Variants in LHCGR observed in about 807,000 individuals in gnomAD.
The protein encoded by LHCGR is lutropin-choriogonadotropic hormone receptor.
LHCGR carries 55 observed loss-of-function variants against 60.7 expected under a neutral mutation model. The observed-to-expected ratio is 0.91, with a 90% CI of 0.73 to 1.13. The LOEUF is 1.13. LHCGR is among the 50% of genes most tolerant of loss of function. The pLI is 0.00. For missense variants in LHCGR, 862 were observed against 836.0 expected (o/e 1.03, Z -0.38); for synonymous variants, 337 against 316.5 (o/e 1.06, Z -0.69).
intron 5 of LHCGR, 28 bp downstream of exon 5, chr2:48,723,594 T>C: frequency 6.2e-7 from 1 of 1,605,742 alleles, no homozygotes; most frequent in Non-Finnish European, 8.5e-7. Flanking sequence ...AGGAAACTGT[T>C]ATGCATAGCA....
At chr2:48,726,257 T>G (rs1326963154) in intron 3 of LHCGR, among the ~76,000 whole-genome samples, 2 of 152,172 alleles carry the variant, frequency 1.3e-5, no homozygotes, top group Admixed American at 1.3e-4. Flanking sequence ...GCCAGAGGCT[T>G]GAATTTGGGG....
At chr2:48,752,217 A>G (rs1314066835) in intron 1 of LHCGR, among the ~76,000 whole-genome samples, 1 of 152,244 alleles carries the variant, frequency 6.6e-6, no homozygotes, top group Non-Finnish European at 1.5e-5. Flanking sequence ...CAAAATTTGT[A>G]AGCAGCAGGC....
rs933727220 is a variant in LHCGR, at chr2:48,728,464, T to C, written c.308+689A>G. Reference sequence around the variant, plus strand: ...GTTTGCGCCTGAGTAAAAGCAGCAGTAGGGGGCCTGGTGTAGAAGTCACAT... The same window carrying C: ...GTTTGCGCCTGAGTAAAAGCAGCAGCAGGGGGCCTGGTGTAGAAGTCACAT... On this transcript the variant is annotated intron_variant, in intron 3 of 10. Coordinates refer to ENST00000294954, the MANE Select transcript of LHCGR (RefSeq NM_000233.4). 5.3e-5 allele frequency among the ~76,000 whole-genome samples: 8 copies of C among 152,292 alleles called. No homozygotes were observed. The East Asian group carries it at 1.4e-3, about 26-fold the overall frequency.
intron 8 of LHCGR, among the ~76,000 whole-genome samples, chr2:48,700,430 G>C (rs1239125156): frequency 1.3e-5 from 2 of 152,160 alleles, no homozygotes; most frequent in Non-Finnish European, 2.9e-5. Context: ...GGAAGGAAGA[G>C]ACCTAGGTCT....
chr2:48,714,845 G>T (rs1668170074), intron 6 of LHCGR, among the ~76,000 whole-genome samples: 1 of 152,066 alleles, frequency 6.6e-6, no homozygotes, highest in Non-Finnish European at 1.5e-5. Context: ...AGCCACAAAG[G>T]AGTCTAGAGG....
At chr2:48,728,643 G>A (rs1221182820) in intron 3 of LHCGR, among the ~76,000 whole-genome samples, 1 of 152,026 alleles carries the variant, frequency 6.6e-6, no homozygotes, top group East Asian at 1.9e-4. Context: ...ATGATACTTT[G>A]GCAAGGGTTG....
intron 10 of LHCGR, among the ~76,000 whole-genome samples, chr2:48,690,886 G>A (rs1680200132): frequency 6.6e-6 from 1 of 152,178 alleles, no homozygotes; most frequent in African/African-American, 2.4e-5. Flanking sequence ...AAATCCCAGT[G>A]CCTAGCACAG....
chr2:48,687,164 T>C lies in LHCGR; in HGVS notation c.*533A>G, dbSNP rs1679934784. On this transcript the variant is annotated 3_prime_UTR_variant, in exon 11 of 11. Coordinates refer to ENST00000294954, the MANE Select transcript of LHCGR (RefSeq NM_000233.4). ...CAGTATGGTAAGCACTAGTCACACG[T>C]AGCCATTGAGAACTTGAAACGTGGC... is the stretch of plus-strand genomic sequence containing the variant. 2.5e-5 allele frequency: 4 copies of C among 158,884 alleles called. No individual in the cohort carries two copies. Among genetic ancestry groups the C allele is most frequent in the Admixed American group, 2.4e-4 (4 of 16,550 alleles). The allele number at this position is 158,884 out of a possible 1,614,324, so 9.8% of individuals were successfully genotyped here. A position where few individuals can be genotyped will look rare whatever the true frequency, so the allele number is the denominator to read the frequency against.
rs764878773 is a variant in LHCGR, at chr2:48,713,971, T to C, written c.605+15A>G. 7.0e-6 allele frequency: 11 copies of C among 1,573,812 alleles called. No homozygotes were observed. Among genetic ancestry groups the C allele is most frequent in the Admixed American group, 1.7e-5 (1 of 59,904 alleles). ...CATTTTTATTCCTGAGCTGGGGAAA[T>C]AAGCAAATACTTACAGTGAAGTCAG... On this transcript the variant is annotated intron_variant, in intron 7 of 10. Coordinates refer to ENST00000294954, the MANE Select transcript of LHCGR (RefSeq NM_000233.4).
intron 1 of LHCGR, among the ~76,000 whole-genome samples, chr2:48,755,130 G>T (rs1349630068): frequency 2.6e-5 from 4 of 151,934 alleles, no homozygotes; most frequent in Admixed American, 6.5e-5. Flanking sequence ...GACGTGGCTG[G>T]CCCAAGGCTC....
chr2:48,729,336 C>T lies in LHCGR; in HGVS notation c.234-109G>A, dbSNP rs11887058. On this transcript the variant is annotated intron_variant, in intron 2 of 10. Coordinates refer to ENST00000294954, the MANE Select transcript of LHCGR (RefSeq NM_000233.4). ...CCAACAACTGGGGACACCACTGTGTCCCCCTGAAAAGAACAAAGATGTGCA... is the reference window on the plus strand; with the variant it reads ...CCAACAACTGGGGACACCACTGTGTTCCCCTGAAAAGAACAAAGATGTGCA... 0.31 allele frequency: 258,978 copies of T among 835,882 alleles called. 46,171 individuals are homozygous for T. The highest frequency in any genetic ancestry group is 0.55 in the East Asian group (22,134 of 40,280). The allele number at this position is 835,882 out of a possible 1,614,324, so 51.8% of individuals were successfully genotyped here.
At chr2:48,690,063 T>C (rs1456455658) in intron 10 of LHCGR, among the ~76,000 whole-genome samples, 1 of 152,166 alleles carries the variant, frequency 6.6e-6, no homozygotes, top group Non-Finnish European at 1.5e-5. Flanking sequence ...CTGATATCCT[T>C]TCTCCAATTT....
chr2:48,740,766 A>G (rs1669411451), intron 1 of LHCGR, among the ~76,000 whole-genome samples: 1 of 152,206 alleles, frequency 6.6e-6, no homozygotes, highest in Non-Finnish European at 1.5e-5. Context: ...AAAACTGGAA[A>G]CTCAAAAAAG....
Position 48,688,166 on chromosome 2 carries a change from G to T in LHCGR, c.1631C>A (p.Ala544Asp). ...LNVVAFFIICACYIKIYFAVR... is the reference protein window; with the variant it reads ...LNVVAFFIICDCYIKIYFAVR... ...TGCAAAATAAATTTTAATGTAGCAA[G>T]CACAAATTATGAAGAAGGCCACCAC... The change falls in exon 11 of 11, where the codon GCT (alanine) becomes GAT (aspartate). Residue 544 changes from alanine to aspartate, a missense_variant. Coordinates refer to ENST00000294954, the MANE Select transcript of LHCGR (RefSeq NM_000233.4). This position sits in a 1 kb window ranked among gnomAD's most constrained non-coding sequence, Gnocchi z 5.2. 6.2e-7 allele frequency: 1 copy of T among 1,614,084 alleles called. No homozygotes were observed. The highest frequency in any genetic ancestry group is 8.5e-7 in the Non-Finnish European group (1 of 1,179,974).
At chr2:48,746,366 TTCTTTTGGGCTCAGATATC>T (rs1669706094) in intron 1 of LHCGR, among the ~76,000 whole-genome samples, 1 of 152,242 alleles carries the variant, frequency 6.6e-6, no homozygotes, top group African/African-American at 2.4e-5. Flanking sequence ...ATTGGTATCT[TTCTTTTGGGCTCAGATATC>T]TCTTTTAGGA....
chr2:48,739,532 A>T (rs2103674179), intron 1 of LHCGR, among the ~76,000 whole-genome samples: 1 of 152,292 alleles, frequency 6.6e-6, no homozygotes, highest in Admixed American at 6.5e-5. Flanking sequence ...TAAAGCTGGA[A>T]AGCATCATTC....
chr2:48,692,968 T>C (rs1028967181), intron 10 of LHCGR, among the ~76,000 whole-genome samples: 3 of 152,216 alleles, frequency 2.0e-5, no homozygotes, highest in Non-Finnish European at 2.9e-5. Flanking sequence ...ATATGCTCAT[T>C]TGAGAAGGTT....
At chr2:48,713,839 G>T in intron 7 of LHCGR, 147 bp downstream of exon 7, 1 of 718,968 alleles carries the variant, frequency 1.4e-6, no homozygotes. Flanking sequence ...CCAGCCAGTT[G>T]CCTAGTAACA....
intron 8 of LHCGR, among the ~76,000 whole-genome samples, chr2:48,705,634 C>T (rs1425888413): frequency 6.6e-6 from 1 of 152,080 alleles, no homozygotes; most frequent in Admixed American, 6.5e-5. Flanking sequence ...GATCCCTTTA[C>T]CATTATGTAA....
Sources: gnomAD v4.1 joint callset for allele counts (sites outside exome capture counted in the v4.1 genomes callset) on GRCh38, gnomAD v4.1.1 for gene constraint, Gnocchi (gnomAD v3.1) non-coding constraint, MANE v1.5 for transcripts, NCBI Gene and HGNC (gene_info 2026-07-23, HGNC 2026-07-21) for gene names.